Variants in IQCM observed in about 807,000 individuals in gnomAD.
IQCM encodes the protein IQ motif containing M.
A neutral mutation model predicts 57.6 loss-of-function variants in IQCM; 45 were observed. That is an observed-to-expected ratio of 0.78 (90% CI 0.62 to 1.00). The LOEUF (loss-of-function observed/expected upper bound fraction) is 1.00, where lower values mean the gene tolerates loss of function less well. Ranked by LOEUF, IQCM falls within the 50% of genes least tolerant of loss-of-function variation. The pLI, the probability that IQCM is intolerant of heterozygous loss-of-function variation, is 0.00. For synonymous variants in IQCM, 148 were observed against 158.9 expected (o/e 0.93, Z 0.51); for missense variants, 468 against 511.6 (o/e 0.91, Z 0.82).
intron 13 of IQCM, among the ~76,000 whole-genome samples, chr4:149,388,387 A>T (rs1007120843): frequency 6.6e-6 from 1 of 150,940 alleles, no homozygotes; most frequent in African/African-American, 2.4e-5. Flanking sequence ...TTTTGCCATC[A>T]TAGTGAGCGT....
chr4:149,696,173 T>G (rs1249235104), intron 5 of IQCM, among the ~76,000 whole-genome samples: 1 of 152,160 alleles, frequency 6.6e-6, no homozygotes, highest in African/African-American at 2.4e-5. Context: ...CAGTGGTTGC[T>G]CTGTGGAAAC....
intron 5 of IQCM, among the ~76,000 whole-genome samples, chr4:149,727,007 C>T (rs1162834283): frequency 6.6e-6 from 1 of 152,044 alleles, no homozygotes; most frequent in African/African-American, 2.4e-5. Context: ...GCCTCGGCCT[C>T]CCAAAGTGCT....
chr4:149,718,339 G>A (rs533509977), intron 5 of IQCM, among the ~76,000 whole-genome samples: 8 of 152,236 alleles, frequency 5.3e-5, no homozygotes, highest in Admixed American at 2.6e-4. Flanking sequence ...TTAAGCAAGA[G>A]AGAAGAAAAG....
chr4:149,504,276 TAAAC>T (rs1381584573), intron 12 of IQCM, among the ~76,000 whole-genome samples: 5 of 152,198 alleles, frequency 3.3e-5, no homozygotes, highest in African/African-American at 1.2e-4. Context: ...CTTAAATAGT[TAAAC>T]AATTCTATGT....
intron 12 of IQCM, among the ~76,000 whole-genome samples, chr4:149,478,513 A>T (rs1740447424): frequency 2.0e-5 from 3 of 152,194 alleles, no homozygotes. Context: ...TGAGAGGGAT[A>T]TGCTTTCCAT....
At chr4:149,712,500 C>T (rs1023540198) in intron 5 of IQCM, among the ~76,000 whole-genome samples, 24 of 152,072 alleles carry the variant, frequency 1.6e-4, no homozygotes, top group African/African-American at 4.3e-4. Context: ...TTTACACTTA[C>T]GCTCATATAT....
chr4:149,372,867 T>G (rs1291126202), intron 13 of IQCM, among the ~76,000 whole-genome samples: 1 of 152,120 alleles, frequency 6.6e-6, no homozygotes, highest in Non-Finnish European at 1.5e-5. Context: ...ACTATACTGG[T>G]AGTAAAGATT....
chr4:149,802,660 C>T (rs867479260), intron 2 of IQCM, among the ~76,000 whole-genome samples: 2 of 152,038 alleles, frequency 1.3e-5, no homozygotes, highest in Middle Eastern at 6.8e-3. Context: ...ATATTTTGTA[C>T]CTCAGCTTCT....
In IQCM at chr4:149,477,652, T is replaced by A. The variant is rs938351689; in HGVS notation, c.1229-44095A>T. 2.0e-5 allele frequency among the ~76,000 whole-genome samples: 3 copies of A among 152,068 alleles called. No homozygotes were observed. The East Asian group carries it at 5.8e-4, about 29-fold the overall frequency. On this transcript the variant is annotated intron_variant, in intron 12 of 13. Coordinates refer to ENST00000636793, the MANE Select transcript of IQCM (RefSeq NM_001363507.2). ...GGTATGTGTAATGGCAAGGATGAAA[T>A]TATGCTTTCAGAATGGGTAGCTAAA...
At chr4:149,703,783 C>T (rs933428704) in intron 5 of IQCM, among the ~76,000 whole-genome samples, 2 of 151,836 alleles carry the variant, frequency 1.3e-5, no homozygotes, top group African/African-American at 4.8e-5. Context: ...ATCATTACTA[C>T]TAAAGGGATA....
chr4:149,665,483 C>G (rs1428220249), intron 7 of IQCM, among the ~76,000 whole-genome samples: 3 of 152,148 alleles, frequency 2.0e-5, no homozygotes, highest in African/African-American at 2.4e-5. Flanking sequence ...TCCTATACAT[C>G]CATGCTCCAC....
At chr4:149,385,418 A>T (rs896380065) in intron 13 of IQCM, among the ~76,000 whole-genome samples, 1 of 152,104 alleles carries the variant, frequency 6.6e-6, no homozygotes, top group African/African-American at 2.4e-5. Flanking sequence ...AAGTTGACGA[A>T]ACTCAATAGA....
chr4:149,657,857 AT>A (rs1281708981), intron 7 of IQCM, among the ~76,000 whole-genome samples: 1 of 151,440 alleles, frequency 6.6e-6, no homozygotes, highest in Non-Finnish European at 1.5e-5. Context: ...GGGCTACTAG[AT>A]TTTTTTGCTG....
intron 5 of IQCM, among the ~76,000 whole-genome samples, chr4:149,696,472 G>A (rs1249247663): frequency 6.6e-6 from 1 of 151,960 alleles, no homozygotes; most frequent in Non-Finnish European, 1.5e-5. Context: ...TATTCCTTAG[G>A]AAATTTCATC....
chr4:149,723,541 T>C (rs1332765549), intron 5 of IQCM, among the ~76,000 whole-genome samples: 2 of 152,158 alleles, frequency 1.3e-5, no homozygotes, highest in African/African-American at 4.8e-5. Context: ...TCTATTGAGA[T>C]AATCATATGG....
At chr4:149,613,960 A>T (rs555949693) in intron 8 of IQCM, among the ~76,000 whole-genome samples, 1 of 152,258 alleles carries the variant, frequency 6.6e-6, no homozygotes, top group East Asian at 1.9e-4. Flanking sequence ...TTCTTAATCC[A>T]GCCTATCATT....
In IQCM at chr4:149,553,232, A is replaced by G; in HGVS notation, c.1004T>C (p.Ile335Thr). Residue 335 changes from isoleucine (I) to threonine (T), a missense_variant, in exon 11 of 14, where the codon ATC becomes ACC. Transcript: ENST00000636793. Reference protein sequence around the residue: ...KAVINMYGRLIHRVRYRRGLW... With the variant: ...KAVINMYGRLTHRVRYRRGLW... ...ACCACGTCGATATCTAACACGGTGG[A>G]TTAGTCTGCCATACATGTTAATAAC... is the stretch of plus-strand genomic sequence containing the variant. 8.1e-7 allele frequency: 1 copy of G among 1,231,942 alleles called. No individual in the cohort carries two copies. The highest frequency in any genetic ancestry group is 1.0e-6 in the Non-Finnish European group (1 of 987,804). The allele number at this position is 1,231,942 out of a possible 1,614,324, so 76.3% of individuals were successfully genotyped here. A position where few individuals can be genotyped will look rare whatever the true frequency, so the allele number is the denominator to read the frequency against.
intron 12 of IQCM, among the ~76,000 whole-genome samples, chr4:149,465,095 T>G (rs17026271): frequency 2.0e-5 from 3 of 152,274 alleles, no homozygotes; most frequent in Non-Finnish European, 1.5e-5. Flanking sequence ...AACAACAGGA[T>G]TGATAACACA....
At chr4:149,481,701 G>GTTTTGTTTTTTTTTTTTTTTTTT (rs1740817619) in intron 12 of IQCM, among the ~76,000 whole-genome samples, 1 of 51,580 alleles carries the variant, frequency 1.9e-5, no homozygotes, top group African/African-American at 7.6e-5. Context: ...TTCCAGTTTT[G>GTTTTGTTTTTTTTTTTTTTTTTT]TTTTTTTTTT....
Sources: allele counts gnomAD v4.1 joint callset (sites outside exome capture counted in the v4.1 genomes callset), GRCh38; gene constraint gnomAD v4.1.1; transcripts MANE v1.5; gene names NCBI Gene and HGNC (gene_info 2026-07-23, HGNC 2026-07-21).